SERPINB7: variants seen among roughly 807,000 people sequenced by gnomAD.
SERPINB7 encodes the protein serpin B7.
A neutral mutation model predicts 37.4 loss-of-function variants in SERPINB7; 31 were observed. The observed-to-expected ratio is 0.83, with a 90% CI of 0.62 to 1.12. The LOEUF (loss-of-function observed/expected upper bound fraction) is 1.12. SERPINB7 is among the 50% of genes most tolerant of loss of function. The probability of loss-of-function intolerance (pLI) is 0.00; values close to 1 mark genes in which losing one functional copy is unlikely to be tolerated. For synonymous variants in SERPINB7, 163 were observed against 166.1 expected (o/e 0.98, Z 0.14); for missense variants, 521 against 455.3 (o/e 1.14, Z -1.31).
At chr18:63,780,304 TA>T (rs747858189) in intron 1 of SERPINB7, among the ~76,000 whole-genome samples, 40 of 152,212 alleles carry the variant, frequency 2.6e-4, no homozygotes, top group Non-Finnish European at 4.4e-4. Flanking sequence ...TTATGAATAC[TA>T]AATAGAAAAA....
At chr18:63,770,600 C>T (rs1271910818), upstream of SERPINB7, among the ~76,000 whole-genome samples, 2 of 151,930 alleles carry the variant, frequency 1.3e-5, no homozygotes, top group Non-Finnish European at 2.9e-5. Context: ...TGTGAAGGAA[C>T]ATGTGAGTTT....
At chr18:63,773,335 G>A (rs2049222388), upstream of SERPINB7, among the ~76,000 whole-genome samples, 1 of 152,066 alleles carries the variant, frequency 6.6e-6, no homozygotes, top group Admixed American at 6.6e-5. Flanking sequence ...TCAGCTTCCA[G>A]GGAATAGGTT....
At chr18:63,763,864 A>G (rs1245461469) in intron 1 of SERPINB7, among the ~76,000 whole-genome samples, 1 of 152,214 alleles carries the variant, frequency 6.6e-6, no homozygotes, top group Non-Finnish European at 1.5e-5. Flanking sequence ...AATGTCTTAA[A>G]TCCTAACATT....
At chr18:63,790,344 T>C (rs1720840) in intron 2 of SERPINB7, among the ~76,000 whole-genome samples, 133,911 of 152,228 alleles carry the variant, frequency 0.88, 59,218 homozygotes, top group African/African-American at 0.97. Context: ...GAAGCCACCA[T>C]GGTGAGGTTG....
chr18:63,772,656 G>A (rs2049217984), upstream of SERPINB7, among the ~76,000 whole-genome samples: 1 of 152,000 alleles, frequency 6.6e-6, no homozygotes, highest in Non-Finnish European at 1.5e-5. Context: ...AATTAGATTT[G>A]GATTTTGTTT....
At chr18:63,756,440 G>A (rs145909662) in intron 1 of SERPINB7, among the ~76,000 whole-genome samples, 169 of 152,288 alleles carry the variant, frequency 1.1e-3, no homozygotes, top group African/African-American at 3.9e-3. Flanking sequence ...GAGTGGTTTA[G>A]TTCCAGACTC....
At chr18:63,800,752 G>T (rs1475262393) in intron 6 of SERPINB7, 114 bp from the exon 7 acceptor site, 14 of 1,117,938 alleles carry the variant, frequency 1.3e-5, no homozygotes, top group Non-Finnish European at 1.8e-5. Flanking sequence ...GAAAAAATCT[G>T]CAGGGTCAAC....
chr18:63,759,906 A>AC (rs1289544340), intron 1 of SERPINB7, among the ~76,000 whole-genome samples: 2 of 151,920 alleles, frequency 1.3e-5, no homozygotes, highest in East Asian at 3.9e-4. Context: ...GTCCAATGAA[A>AC]CCTCTTTTTC....
upstream of SERPINB7, among the ~76,000 whole-genome samples, chr18:63,773,294 T>C (rs1416806151): frequency 1.3e-5 from 2 of 152,106 alleles, no homozygotes; most frequent in Admixed American, 1.3e-4. Flanking sequence ...ACAAAAACCA[T>C]ATCAAGCAAA....
At chr18:63,788,656 C>G (rs1251116272) in intron 2 of SERPINB7, among the ~76,000 whole-genome samples, 2 of 152,250 alleles carry the variant, frequency 1.3e-5, no homozygotes, top group African/African-American at 4.8e-5. Context: ...CACTCGCTGA[C>G]TCACCCAGTG....
chr18:63,769,145 G>C (rs537958595), intron 1 of SERPINB7, among the ~76,000 whole-genome samples: 1 of 152,168 alleles, frequency 6.6e-6, no homozygotes, highest in Non-Finnish European at 1.5e-5. Context: ...CATAATGTTA[G>C]ATGTTTTATT....
chr18:63,798,927 A>G (rs2049518534), intron 6 of SERPINB7, among the ~76,000 whole-genome samples, 181 bp downstream of exon 6: 1 of 152,226 alleles, frequency 6.6e-6, no homozygotes, highest in Admixed American at 6.5e-5. Flanking sequence ...CCTGTCATGC[A>G]GGCTATGAAA....
intron 1 of SERPINB7, among the ~76,000 whole-genome samples, chr18:63,763,284 A>C (rs1412137371): frequency 6.6e-6 from 1 of 152,232 alleles, no homozygotes. Flanking sequence ...AACAAGCAGA[A>C]ATACTATGCT....
chr18:63,764,604 C>T (rs192685803), intron 1 of SERPINB7, among the ~76,000 whole-genome samples: 46 of 151,816 alleles, frequency 3.0e-4, no homozygotes, highest in South Asian at 2.1e-3. Flanking sequence ...GTATTTCTCT[C>T]GAAAAATAAA....
chr18:63,783,209 AGAGAGAGAGAGAGAGAGAG>A (rs1599005162), intron 2 of SERPINB7, among the ~76,000 whole-genome samples: 3 of 76,436 alleles, frequency 3.9e-5, no homozygotes, highest in African/African-American at 1.4e-4. Context: ...AGAGAGAGAG[AGAGAGAGAGAGAGAGAGAG>A]AGAGAGAAAG....
chr18:63,771,604 C>T (rs144877439), upstream of SERPINB7, among the ~76,000 whole-genome samples: 117 of 152,028 alleles, frequency 7.7e-4, no homozygotes, highest in African/African-American at 2.6e-3. Context: ...AACCTCTGCC[C>T]GTAAATTAAA....
intron 2 of SERPINB7, among the ~76,000 whole-genome samples, chr18:63,783,188 GA>G (rs2049321078): frequency 1.7e-5 from 1 of 59,792 alleles, no homozygotes; most frequent in African/African-American, 7.4e-5. Context: ...AAGAAAGAAA[GA>G]GAGAGAGAGA....
upstream of SERPINB7, among the ~76,000 whole-genome samples, chr18:63,773,550 C>T (rs566615764): frequency 2.5e-3 from 380 of 152,216 alleles, no homozygotes; most frequent in Middle Eastern, 0.01. Context: ...TCTACTGACA[C>T]CTCGTGTAAT....
In SERPINB7 at chr18:63,804,258, C is replaced by T. The variant is rs756536402; in HGVS notation, c.766C>T (p.Gln256Ter). ...ACAGATTGAAAACAAACTGACCTTT[C>T]AGAATCTAATGGAATGGACCAATCC... ...LSEIENKLTFQNLMEWTNPRR... is the reference protein window; with the variant it reads ...LSEIENKLTF The change falls in exon 8 of 8, where the codon CAG becomes TAG. Residue 256 changes from glutamine (Q) to a stop codon, truncating the protein, a stop_gained. Coordinates refer to ENST00000398019, the MANE Select transcript of SERPINB7 (RefSeq NM_003784.4). LOFTEE classifies it high-confidence loss of function. 2.6e-6 allele frequency: 4 copies of T among 1,562,974 alleles called. No individual in the cohort carries two copies. The African/African-American group carries it at 5.5e-5, about 22-fold the overall frequency.
Sources: allele counts gnomAD v4.1 joint callset (sites outside exome capture counted in the v4.1 genomes callset), GRCh38; gene constraint gnomAD v4.1.1; transcripts MANE v1.5; gene names NCBI Gene and HGNC (gene_info 2026-07-23, HGNC 2026-07-21).